The following SEZ6L variants were observed in gnomAD, a reference collection of about 807,000 sequenced individuals.
SEZ6L encodes the protein seizure 6-like protein.
In SEZ6L, 37 loss-of-function variants were observed where a neutral mutation model predicts 106.2. The observed-to-expected ratio is 0.35, with a 90% CI of 0.27 to 0.46. The LOEUF (loss-of-function observed/expected upper bound fraction) is 0.46, where lower values mean the gene tolerates loss of function less well. Among genes scored for constraint, SEZ6L ranks in the 20% least tolerant of loss-of-function variants. The pLI is 1.00. For synonymous variants in SEZ6L, 541 were observed against 570.4 expected, an observed-to-expected ratio of 0.95 and a Z score of 0.73; for missense variants, 1,172 against 1,332.8, an observed-to-expected ratio of 0.88 and a Z score of 1.88.
intron 9 of SEZ6L, among the ~76,000 whole-genome samples, chr22:26,319,628 C>G (rs1030802606): frequency 1.3e-5 from 2 of 152,322 alleles, no homozygotes; most frequent in South Asian, 2.1e-4. Context: ...TGCTCCCCAT[C>G]TCTCCATCCT....
intron 1 of SEZ6L, among the ~76,000 whole-genome samples, chr22:26,176,712 A>C (rs2123766658): frequency 6.6e-6 from 1 of 152,338 alleles, no homozygotes; most frequent in East Asian, 1.9e-4. Context: ...AAGACTCGTC[A>C]ATATATGTGC....
At chr22:26,348,703 A>AAAGC (rs1207033331) in intron 11 of SEZ6L, among the ~76,000 whole-genome samples, 14 of 41,484 alleles carry the variant, frequency 3.4e-4, no homozygotes, top group East Asian at 2.9e-3. Context: ...AGAAAGAAAG[A>AAAGC]AGGCAAGGGA....
At chr22:26,201,555 C>T (rs143400365) in intron 1 of SEZ6L, among the ~76,000 whole-genome samples, 4 of 151,580 alleles carry the variant, frequency 2.6e-5, no homozygotes, top group Admixed American at 6.6e-5. Context: ...AGCAAGACTC[C>T]GTCTCAAAAA....
intron 1 of SEZ6L, among the ~76,000 whole-genome samples, chr22:26,229,816 G>A (rs1569400786): frequency 3.3e-5 from 5 of 152,322 alleles, no homozygotes; most frequent in Admixed American, 3.3e-4. Flanking sequence ...AAGCATTTCA[G>A]GACGTCAGGC....
intron 1 of SEZ6L, among the ~76,000 whole-genome samples, chr22:26,241,871 C>G (rs967413497): frequency 6.6e-6 from 1 of 152,150 alleles, no homozygotes; most frequent in African/African-American, 2.4e-5. Flanking sequence ...ACCAAGGACA[C>G]CGGGAGGACA....
intron 10 of SEZ6L, among the ~76,000 whole-genome samples, chr22:26,341,500 T>C (rs1383403336): frequency 6.6e-6 from 1 of 152,156 alleles, no homozygotes; most frequent in Non-Finnish European, 1.5e-5. Flanking sequence ...CCTCCATGCC[T>C]TCATTAGTTC....
intron 1 of SEZ6L, among the ~76,000 whole-genome samples, chr22:26,216,604 C>T (rs140305329): frequency 2.0e-5 from 3 of 151,808 alleles, no homozygotes; most frequent in Non-Finnish European, 4.4e-5. Context: ...TGCAGTGAGC[C>T]GAGATTGCGC....
chr22:26,293,154 G>A lies in SEZ6L; in HGVS notation c.835+8G>A, dbSNP rs1171743128. 3.3e-6 allele frequency: 5 copies of A among 1,509,386 alleles called. No homozygotes were observed. The South Asian group carries it at 5.1e-5, about 15-fold the overall frequency. The allele number at this position is 1,509,386 out of a possible 1,614,324, so 93.5% of individuals were successfully genotyped here. A position where few individuals can be genotyped will look rare whatever the true frequency, so the allele number is the denominator to read the frequency against. On this transcript the variant is annotated splice_region_variant and intron_variant, in intron 2 of 16. Coordinates refer to ENST00000248933, the MANE Select transcript of SEZ6L (RefSeq NM_021115.5). The stretch of plus-strand genomic sequence containing the variant: ...CCACCGAGCAGGCACCAGGTATGCA[G>A]CCCCCAACTCCTGAAGCCATCCTGA...
intron 1 of SEZ6L, among the ~76,000 whole-genome samples, chr22:26,171,888 A>T (rs560117686): frequency 6.6e-6 from 1 of 152,174 alleles, no homozygotes; most frequent in Admixed American, 6.5e-5. Flanking sequence ...GTAGAGCCCA[A>T]CATCCACTAA....
At chr22:26,289,527 C>G (rs1342147093) in intron 1 of SEZ6L, among the ~76,000 whole-genome samples, 1 of 152,154 alleles carries the variant, frequency 6.6e-6, no homozygotes, top group East Asian at 1.9e-4. Flanking sequence ...CTACTCCCCA[C>G]CTTGGACTAG....
chr22:26,293,330 GT>G (rs2081199331), intron 2 of SEZ6L, among the ~76,000 whole-genome samples, 184 bp downstream of exon 2: 1 of 152,184 alleles, frequency 6.6e-6, no homozygotes, highest in Non-Finnish European at 1.5e-5. Flanking sequence ...TTTGTTTGTT[GT>G]TTTGGGGGGT....
At chr22:26,320,287 G>A (rs1342469258) in intron 9 of SEZ6L, among the ~76,000 whole-genome samples, 4 of 151,942 alleles carry the variant, frequency 2.6e-5, no homozygotes, top group Admixed American at 6.6e-5. Context: ...TCATTCTCCC[G>A]GGTGTTCTGA....
intron 1 of SEZ6L, among the ~76,000 whole-genome samples, chr22:26,208,778 A>T (rs1941425809): frequency 6.8e-6 from 1 of 147,736 alleles, no homozygotes; most frequent in Admixed American, 6.8e-5. Flanking sequence ...AAATTTGAGA[A>T]TTTTTCAACT....
chr22:26,210,284 C>T (rs1242896925), intron 1 of SEZ6L, among the ~76,000 whole-genome samples: 1 of 152,182 alleles, frequency 6.6e-6, no homozygotes, highest in Non-Finnish European at 1.5e-5. Flanking sequence ...CAAAAGAAAA[C>T]TTTTCGGTGA....
At chr22:26,183,957 A>G (rs1457910476) in intron 1 of SEZ6L, among the ~76,000 whole-genome samples, 1 of 152,152 alleles carries the variant, frequency 6.6e-6, no homozygotes, top group Non-Finnish European at 1.5e-5. Flanking sequence ...CCATTATTGC[A>G]TTTGATTGTC....
chr22:26,266,209 C>T (rs962421713), intron 1 of SEZ6L, among the ~76,000 whole-genome samples: 2 of 151,356 alleles, frequency 1.3e-5, no homozygotes, highest in Non-Finnish European at 2.9e-5. Flanking sequence ...ACTGCTTGGC[C>T]CACAGAGATG....
intron 9 of SEZ6L, among the ~76,000 whole-genome samples, chr22:26,316,242 T>C (rs182646035): frequency 1.3e-5 from 2 of 152,288 alleles, no homozygotes; most frequent in South Asian, 2.1e-4. Flanking sequence ...CCTTCAGTGG[T>C]AAAATTCATA....
chr22:26,322,906 C>T (rs688545), intron 9 of SEZ6L, among the ~76,000 whole-genome samples: 1 of 151,970 alleles, frequency 6.6e-6, no homozygotes, highest in African/African-American at 2.4e-5. Context: ...TCATATTGCT[C>T]TCCTCTCACT....
intron 12 of SEZ6L, among the ~76,000 whole-genome samples, chr22:26,354,573 T>G (rs2146031359): frequency 6.6e-6 from 1 of 152,272 alleles, no homozygotes; most frequent in South Asian, 2.1e-4. Context: ...GCAAGAGCGA[T>G]CAGAAGCAGC....
Sources: allele counts gnomAD v4.1 joint callset (sites outside exome capture counted in the v4.1 genomes callset), GRCh38; gene constraint gnomAD v4.1.1; transcripts MANE v1.5; gene names NCBI Gene and HGNC (gene_info 2026-07-23, HGNC 2026-07-21).